Variants in MYCBP observed in about 807,000 individuals in gnomAD.
MYCBP encodes C-Myc-binding protein.
Under a neutral mutation model 16.8 loss-of-function variants are expected in MYCBP, and 5 were observed. The observed-to-expected ratio is 0.30, with a 90% CI of 0.16 to 0.63. The LOEUF is 0.63. Among genes scored for constraint, MYCBP ranks in the 20% least tolerant of loss-of-function variants. The probability of loss-of-function intolerance (pLI) is 0.83; values close to 1 mark genes in which losing one functional copy is unlikely to be tolerated. For missense variants in MYCBP, 103 were observed against 121.8 expected, an observed-to-expected ratio of 0.85 and a Z score of 0.73; for synonymous variants, 35 against 43.7, an observed-to-expected ratio of 0.80 and a Z score of 0.79.
Position 38,873,107 on chromosome 1 carries a change from G to A in MYCBP, c.16-17C>T, listed in dbSNP as rs1401369224. The A allele has an allele frequency of 3.2e-6, 5 of 1,556,690 alleles. No homozygotes were observed. Among genetic ancestry groups the A allele is most frequent in the Non-Finnish European group, 8.7e-7 (1 of 1,150,184 alleles). ...GTCGGCGGCCTGAAGAGACACCGGG[G>A]GTCAGTGGCCAGAGCCCGGGAGCCG... On this transcript the variant is annotated splice_polypyrimidine_tract_variant and intron_variant, in intron 1 of 4. Coordinates refer to ENST00000397572, the MANE Select transcript of MYCBP (RefSeq NM_012333.5).
rs1642276683 is a variant in MYCBP, at chr1:38,863,275, G to A, written c.*1395C>T. On this transcript the variant is annotated 3_prime_UTR_variant, in exon 5 of 5. Coordinates refer to ENST00000397572, the MANE Select transcript of MYCBP (RefSeq NM_012333.5). ...ATTGGCTTGGTCATAGTCTCCAACA[G>A]GTGCCAAGGCTTTTGCTAGTTAAAC... 1 of 152,180 alleles carries A rather than the reference G, an allele frequency of 6.6e-6. No individual in the cohort carries two copies. The highest frequency in any genetic ancestry group is 1.5e-5 in the Non-Finnish European group (1 of 68,032). The allele number at this position is 152,180 out of a possible 1,614,324, so 9.4% of individuals were successfully genotyped here. A position where few individuals can be genotyped will look rare whatever the true frequency, so the allele number is the denominator to read the frequency against.
chr1:38,867,069 G>A, intron 3 of MYCBP, 60 bp from the exon 4 acceptor site: 1 of 1,481,666 alleles, frequency 6.7e-7, no homozygotes, highest in Non-Finnish European at 9.3e-7. Flanking sequence ...AAATAGCACA[G>A]AGTAGTATCA....
At chr1:38,869,798 T>G (rs1642421052) in intron 2 of MYCBP, among the ~76,000 whole-genome samples, 1 of 151,568 alleles carries the variant, frequency 6.6e-6, no homozygotes, top group Non-Finnish European at 1.5e-5. Context: ...TCCAGCACTT[T>G]GAGAGGCCAA....
chr1:38,868,861 G>T (rs1025265089), intron 2 of MYCBP, among the ~76,000 whole-genome samples: 1 of 151,990 alleles, frequency 6.6e-6, no homozygotes, highest in Admixed American at 6.6e-5. Context: ...AGCCGAGATC[G>T]TGCCACTGCA....
In MYCBP at chr1:38,863,510, T is replaced by C. The variant is rs878877117; in HGVS notation, c.*1160A>G. On this transcript the variant is annotated 3_prime_UTR_variant, in exon 5 of 5. Transcript: ENST00000397572. ...AAAGGACTAACAAACAAGAATATAG[T>C]GCTTTACCATTTACAAATCTTTCAC... 5 of 152,532 alleles carry C rather than the reference T, an allele frequency of 3.3e-5. No homozygotes were observed. The highest frequency in any genetic ancestry group is 7.3e-5 in the Non-Finnish European group (5 of 68,040). 9.4% of individuals were successfully genotyped at this position (152,532 alleles called of 1,614,324 possible).
chr1:38,867,018 A>G lies in MYCBP; in HGVS notation c.138-9T>C. The G allele has an allele frequency of 6.2e-7, 1 of 1,605,368 alleles. No homozygotes were observed. The highest frequency in any genetic ancestry group is 8.5e-7 in the Non-Finnish European group (1 of 1,174,830). On this transcript the variant is annotated splice_polypyrimidine_tract_variant and intron_variant, in intron 3 of 4. Coordinates refer to ENST00000397572, the MANE Select transcript of MYCBP (RefSeq NM_012333.5). ...AGTGATGCTTTAAAAAACTATTATC[A>G]ATGTTAAGAACTTACTTCTTAGACA...
chr1:38,862,605 G>C lies in MYCBP; in HGVS notation c.*2065C>G, dbSNP rs1196578281. ...CTGAAGCATAATAGGAGCTTAACTG[G>C]TGGGATCCATTTATCCATTTTCTCT... On this transcript the variant is annotated 3_prime_UTR_variant, in exon 5 of 5. Transcript: ENST00000397572. Among the ~76,000 whole-genome samples the C allele has an allele frequency of 6.6e-6, 1 of 152,212 alleles. No individual in the cohort carries two copies. The highest frequency in any genetic ancestry group is 1.5e-5 in the Non-Finnish European group (1 of 68,050).
chr1:38,873,212 C>T (rs1009927084), intron 1 of MYCBP, 79 bp downstream of exon 1: 19 of 1,573,686 alleles, frequency 1.2e-5, no homozygotes, highest in Non-Finnish European at 1.5e-5. Flanking sequence ...AACCTGCGCG[C>T]GCGACCCCAC....
intron 4 of MYCBP, among the ~76,000 whole-genome samples, chr1:38,866,338 G>A (rs1051443699): frequency 1.1e-4 from 16 of 151,344 alleles, no homozygotes; most frequent in Admixed American, 2.6e-4. Context: ...GTGAGCCACC[G>A]CACCCAGCCA....
intron 2 of MYCBP, among the ~76,000 whole-genome samples, chr1:38,869,081 G>GTT (rs959925576): frequency 2.9e-5 from 4 of 139,004 alleles, no homozygotes; most frequent in East Asian, 2.1e-4. Context: ...AATTCATTTG[G>GTT]TTTTTTTTTT....
rs764697452 is a variant in MYCBP at position 38,866,950 on chromosome 1, C to T, written c.197G>A (p.Arg66His). The T allele has an allele frequency of 4.4e-6, 7 of 1,608,516 alleles. No homozygotes were observed. Among genetic ancestry groups the T allele is most frequent in the Non-Finnish European group, 5.1e-6 (6 of 1,177,284 alleles). ...TPENPEIELL[R>H]LELAEMKEKY... ...CTCTTTCATTTCGGCCAGTTCTAGG[C>T]GAAGCAGCTCTATTTCTGGATTTTC... Residue 66 changes from arginine to histidine, a missense_variant, in exon 4 of 5, where the codon CGC becomes CAC. Transcript: ENST00000397572.
At chr1:38,868,999 C>G (rs993582839) in intron 2 of MYCBP, among the ~76,000 whole-genome samples, 1 of 151,906 alleles carries the variant, frequency 6.6e-6, no homozygotes, top group African/African-American at 2.4e-5. Flanking sequence ...ACATACTTCC[C>G]TTTTGTTCTT....
chr1:38,868,842 C>A (rs1395619921), intron 2 of MYCBP, among the ~76,000 whole-genome samples: 13 of 151,968 alleles, frequency 8.6e-5, no homozygotes, highest in African/African-American at 3.1e-4. Flanking sequence ...GGAGGCGGAG[C>A]TTGCAGTGAG....
intron 4 of MYCBP, among the ~76,000 whole-genome samples, chr1:38,866,293 C>T (rs572215566): frequency 6.6e-6 from 1 of 152,000 alleles, no homozygotes; most frequent in Non-Finnish European, 1.5e-5. Context: ...GGTGATCTGC[C>T]CACCTCAGCC....
intron 2 of MYCBP, among the ~76,000 whole-genome samples, chr1:38,869,101 T>G (rs1327331355): frequency 4.0e-5 from 6 of 151,400 alleles, no homozygotes; most frequent in African/African-American, 1.5e-4. Flanking sequence ...TTTGTTTTTT[T>G]TTTTGAGATA....
intron 3 of MYCBP, 78 bp downstream of exon 3, chr1:38,867,484 G>T: frequency 1.8e-5 from 19 of 1,042,604 alleles, no homozygotes; most frequent in Non-Finnish European, 2.3e-5. Context: ...TCAATATTCA[G>T]AAGTATTTTA....
At chr1:38,865,582 C>T (rs375886855) in intron 4 of MYCBP, among the ~76,000 whole-genome samples, 2 of 152,180 alleles carry the variant, frequency 1.3e-5, no homozygotes, top group East Asian at 1.9e-4. Flanking sequence ...CCAGGAGGAA[C>T]GTTTGAGTCA....
In MYCBP at chr1:38,862,559, G is replaced by A. The variant is rs542189559; in HGVS notation, c.*2111C>T. On this transcript the variant is annotated 3_prime_UTR_variant, in exon 5 of 5. Coordinates refer to ENST00000397572, the MANE Select transcript of MYCBP (RefSeq NM_012333.5). ...TGTGAGATAGGCAAGATGTGAAGTC[G>A]ATATTTTATAGACAAAGCAGCTGAA... Among the ~76,000 whole-genome samples the A allele has an allele frequency of 6.6e-5, 10 of 152,312 alleles. No homozygotes were observed. In the South Asian group the frequency reaches 1.9e-3, roughly 28 times the overall value.
chr1:38,867,463 A>AG, intron 3 of MYCBP, 99 bp downstream of exon 3: 1 of 1,067,642 alleles, frequency 9.4e-7, no homozygotes, highest in Non-Finnish European at 1.4e-6. Context: ...AAAAAAAAAA[A>AG]AGTAACTTTC....
Sources: allele counts gnomAD v4.1 joint callset (sites outside exome capture counted in the v4.1 genomes callset), GRCh38; gene constraint gnomAD v4.1.1; transcripts MANE v1.5; gene names NCBI Gene and HGNC (gene_info 2026-07-23, HGNC 2026-07-21).